ARHGAP17: variants seen among roughly 807,000 people sequenced by gnomAD.
The protein encoded by ARHGAP17 is rho GTPase-activating protein 17.
ARHGAP17 carries 57 observed loss-of-function variants against 99.5 expected under a neutral mutation model. The ratio of observed to expected loss-of-function variants is 0.57; its 90% CI spans 0.46 to 0.71. ARHGAP17 has a LOEUF of 0.71. ARHGAP17 is among the 30% of genes least tolerant of loss of function. ARHGAP17 has a pLI of 0.00. For missense variants in ARHGAP17, 1,000 were observed against 1,122.4 expected (o/e 0.89, Z 1.56); for synonymous variants, 417 against 429.6 (o/e 0.97, Z 0.36).
chr16:24,921,197 G>A (rs1443585854), intron 19 of ARHGAP17, among the ~76,000 whole-genome samples: 1 of 152,178 alleles, frequency 6.6e-6, no homozygotes, highest in Non-Finnish European at 1.5e-5. Flanking sequence ...TGAAGCCCAC[G>A]GTCAAGTGGG....
At chr16:24,987,127 A>G (rs1363286457) in intron 1 of ARHGAP17, among the ~76,000 whole-genome samples, 3 of 152,254 alleles carry the variant, frequency 2.0e-5, no homozygotes, top group Non-Finnish European at 4.4e-5. Flanking sequence ...TCAGGCTTGC[A>G]GACCATACTG....
chr16:24,923,148 G>A (rs577626808), intron 19 of ARHGAP17, among the ~76,000 whole-genome samples: 4 of 152,312 alleles, frequency 2.6e-5, no homozygotes, highest in Admixed American at 2.0e-4. Context: ...AGCCAGTGTG[G>A]ACCAAAGAGG....
In ARHGAP17 at chr16:25,015,266, G is replaced by C. The variant is rs2053756222; in HGVS notation, c.-5C>G. 24 of 1,341,866 alleles carry C rather than the reference G, an allele frequency of 1.8e-5. No individual in the cohort carries two copies. The highest frequency in any genetic ancestry group is 5.9e-5 in the South Asian group (3 of 50,836). The allele number at this position is 1,341,866 out of a possible 1,614,324, so 83.1% of individuals were successfully genotyped here. ...GCGGTTGAACTGCTTCTTCATGGCG[G>C]CGGTGGCGGCGGCGGCCCGCGGGGC... On this transcript the variant is annotated 5_prime_UTR_variant, in exon 1 of 20. Transcript: ENST00000289968.
chr16:24,947,972 CTG>C (rs1778114640), intron 13 of ARHGAP17, among the ~76,000 whole-genome samples: 1 of 152,160 alleles, frequency 6.6e-6, no homozygotes, highest in African/African-American at 2.4e-5. Context: ...TTACAGGAAA[CTG>C]TATTTGAAAA....
Position 24,941,374 on chromosome 16 carries a change from A to C in ARHGAP17, c.1490+613T>G, listed in dbSNP as rs1205681347. Among the ~76,000 whole-genome samples the C allele has an allele frequency of 7.2e-5, 11 of 152,348 alleles. No homozygotes were observed. The East Asian group carries it at 1.9e-3, about 27-fold the overall frequency. On this transcript the variant is annotated intron_variant, in intron 16 of 19. Transcript: ENST00000289968. ...GTTGGCATCCAAAGGCACAAATTAC[A>C]AACAGTCTTAATCACCCTTGAAAAT...
chr16:24,937,126 A>C (rs1441598875), intron 17 of ARHGAP17, among the ~76,000 whole-genome samples: 5 of 151,458 alleles, frequency 3.3e-5, no homozygotes, highest in South Asian at 2.1e-4. Context: ...GAAAAAAAAA[A>C]AACAACAAAA....
At chr16:24,936,196 T>C (rs1316703927) in intron 17 of ARHGAP17, 3 of 159,686 alleles carry the variant, frequency 1.9e-5, no homozygotes, top group Admixed American at 1.7e-4. Context: ...TTGATTATTA[T>C]CAATAACTTG....
chr16:24,960,212 C>T (rs2051943690), intron 7 of ARHGAP17, among the ~76,000 whole-genome samples: 1 of 152,142 alleles, frequency 6.6e-6, no homozygotes, highest in Non-Finnish European at 1.5e-5. Context: ...AAGCAAAGTA[C>T]AGAGCATTAC....
At chr16:24,936,044 A>C (rs1450471693) in intron 17 of ARHGAP17, 9 of 312,124 alleles carry the variant, frequency 2.9e-5, no homozygotes, top group African/African-American at 4.4e-5. Flanking sequence ...AAAGCAACCA[A>C]TGCGGAGTTT....
At position 24,954,587 on chromosome 16, in the gene ARHGAP17, A is replaced by G. The variant is rs755088228; in HGVS notation, c.852+16T>C. On this transcript the variant is annotated intron_variant, in intron 10 of 19. Coordinates refer to ENST00000289968, the MANE Select transcript of ARHGAP17 (RefSeq NM_001006634.3). ...GCATGGAGACTTGGTGCACAGGATC[A>G]CGAAGCTCCCCTCACCTCCTCCTTC... 1 of 1,609,126 alleles carries G rather than the reference A, an allele frequency of 6.2e-7. No individual in the cohort carries two copies. The highest frequency in any genetic ancestry group is 1.7e-5 in the Admixed American group (1 of 59,588).
At chr16:24,935,190 G>A (rs116154582) in intron 18 of ARHGAP17, among the ~76,000 whole-genome samples, 51 of 152,310 alleles carry the variant, frequency 3.3e-4, no homozygotes, top group African/African-American at 1.2e-3. Context: ...CAAACAGAGC[G>A]AGGGCTTGGG....
intron 19 of ARHGAP17, among the ~76,000 whole-genome samples, chr16:24,928,089 G>A (rs2050888533): frequency 6.6e-6 from 1 of 152,208 alleles, no homozygotes; most frequent in Non-Finnish European, 1.5e-5. Flanking sequence ...AAAACATTAT[G>A]TCATAATAAA....
intron 19 of ARHGAP17, among the ~76,000 whole-genome samples, chr16:24,921,829 T>G (rs1330062119): frequency 6.6e-6 from 1 of 152,212 alleles, no homozygotes; most frequent in African/African-American, 2.4e-5. Flanking sequence ...AATGACACTG[T>G]GCAGAACTGC....
intron 1 of ARHGAP17, among the ~76,000 whole-genome samples, chr16:24,987,440 C>T (rs1445572653): frequency 6.6e-6 from 1 of 152,218 alleles, no homozygotes; most frequent in African/African-American, 2.4e-5. Flanking sequence ...TTTTTAATCA[C>T]TTCCCAAATC....
intron 1 of ARHGAP17, among the ~76,000 whole-genome samples, chr16:24,988,990 A>G (rs1056767502): frequency 1.3e-5 from 2 of 152,234 alleles, no homozygotes; most frequent in Admixed American, 6.5e-5. Flanking sequence ...TTTGCAAAAT[A>G]TTGCAATGCA....
At chr16:25,003,007 C>A (rs1459502949) in intron 1 of ARHGAP17, among the ~76,000 whole-genome samples, 4 of 136,622 alleles carry the variant, frequency 2.9e-5, no homozygotes, top group Non-Finnish European at 6.1e-5. Flanking sequence ...CCACTGCACT[C>A]CAGCCTGGGG....
chr16:24,938,110 G>A lies in ARHGAP17; in HGVS notation c.1724+1254C>T, dbSNP rs142568258. 3.9e-4 allele frequency among the ~76,000 whole-genome samples: 59 copies of A among 152,164 alleles called. 1 individual carries two copies. In the East Asian group the frequency reaches 9.8e-3, roughly 25 times the overall value. ...GGGCGCGGTGGCTCACACCTGTAAT[G>A]CCAGCCTTTGGGAGGCCAAGGCAGG... On this transcript the variant is annotated intron_variant, in intron 17 of 19. Transcript: ENST00000289968.
chr16:25,007,827 C>G (rs1597495705), intron 1 of ARHGAP17, among the ~76,000 whole-genome samples: 1 of 152,134 alleles, frequency 6.6e-6, no homozygotes, highest in East Asian at 1.9e-4. Context: ...ACATGAAAAT[C>G]AGCATTCTGG....
intron 1 of ARHGAP17, 70 bp downstream of exon 1, chr16:25,015,139 T>A (rs2053750957): frequency 8.4e-7 from 1 of 1,195,320 alleles, no homozygotes; most frequent in African/African-American, 1.7e-5. Context: ...GGAGGAGCCG[T>A]CCCGCCCCCG....
Sources: gnomAD v4.1 joint callset for allele counts (sites outside exome capture counted in the v4.1 genomes callset) on GRCh38, gnomAD v4.1.1 for gene constraint, MANE v1.5 for transcripts, NCBI Gene and HGNC (gene_info 2026-07-23, HGNC 2026-07-21) for gene names.